MYOM3: variants seen among roughly 807,000 people sequenced by gnomAD.
The protein encoded by MYOM3 is myomesin-3.
In MYOM3, 155 loss-of-function variants were observed where a neutral mutation model predicts 191.7. That is an observed-to-expected ratio of 0.81 (90% CI 0.71 to 0.92). MYOM3 has a LOEUF of 0.92. MYOM3 is among the 40% of genes least tolerant of loss of function. The probability of loss-of-function intolerance (pLI) is 0.00; values close to 1 mark genes in which losing one functional copy is unlikely to be tolerated. For synonymous variants in MYOM3, 757 were observed against 762.9 expected, an observed-to-expected ratio of 0.99 and a Z score of 0.13; for missense variants, 1,889 against 1,890.6, an observed-to-expected ratio of 1.00 and a Z score of 0.02.
Position 24,065,962 on chromosome 1 carries a change from A to G in MYOM3, c.3463T>C (p.Phe1155Leu). The part of the protein sequence containing the change: ...TKKETRFQWF[F>L]QRAEMPDGQY... ...CCATCTGGCATCTCTGCCCTCTGGA[A>G]GAACCACTGAAAGCGAGTCTCCTTC... The change falls in exon 29 of 37, where the codon TTC (phenylalanine) becomes CTC (leucine). Residue 1155 changes from phenylalanine (F) to leucine (L), a missense_variant. By Grantham distance (22) the Phe-to-Leu change is conservative. Coordinates refer to ENST00000374434, the MANE Select transcript of MYOM3 (RefSeq NM_152372.4). 6.2e-7 allele frequency: 1 copy of G among 1,614,180 alleles called. No homozygotes were observed. The highest frequency in any genetic ancestry group is 8.5e-7 in the Non-Finnish European group (1 of 1,180,002).
At chr1:24,075,198 C>A in intron 22 of MYOM3, 121 bp downstream of exon 22, 1 of 944,138 alleles carries the variant, frequency 1.1e-6, no homozygotes, top group Non-Finnish European at 1.6e-6. Flanking sequence ...AAAGACTGAG[C>A]AGCGCCTTTC....
intron 11 of MYOM3, among the ~76,000 whole-genome samples, chr1:24,091,362 T>C (rs1557612763): frequency 6.6e-6 from 1 of 152,152 alleles, no homozygotes; most frequent in Non-Finnish European, 1.5e-5. Context: ...CTGCCCAAGG[T>C]CACACAGTTA....
chr1:24,090,963 G>A lies in MYOM3; in HGVS notation c.1266C>T (p.Cys422=). The part of the protein sequence containing the change: ...CQGESGEWIA[C]HEAPGGTCRC... Reference sequence around the variant, plus strand: ...GACAAGTCCCTCCGGGGGCCTCATGGCAGGCGATCCATTCCCCAGACTCGC... The same window carrying A: ...GACAAGTCCCTCCGGGGGCCTCATGACAGGCGATCCATTCCCCAGACTCGC... The change falls in exon 12 of 37, where the codon TGC becomes TGT. Residue 422 remains cysteine, a synonymous_variant. Transcript: ENST00000374434. 1 of 1,614,072 alleles carries A rather than the reference G, an allele frequency of 6.2e-7. No homozygotes were observed. The highest frequency in any genetic ancestry group is 8.5e-7 in the Non-Finnish European group (1 of 1,180,002).
intron 16 of MYOM3, chr1:24,083,158 T>C: frequency 6.5e-6 from 1 of 153,428 alleles, no homozygotes; most frequent in Non-Finnish European, 1.5e-5. Flanking sequence ...GCAAGGATGC[T>C]CTAGCTTAGA....
chr1:24,063,405 C>G lies in MYOM3; in HGVS notation c.3661+87G>C. On this transcript the variant is annotated intron_variant, in intron 31 of 36. Coordinates refer to ENST00000374434, the MANE Select transcript of MYOM3 (RefSeq NM_152372.4). The surrounding 1 kb of genome is among the most constrained non-coding windows in gnomAD (Gnocchi z 4.5). ...TTTGAGGTTAGAAACTAAACCCACC[C>G]CCAATAGCCAAGGCCAGTGTTAGGC... is the stretch of plus-strand genomic sequence containing the variant. 1 of 1,548,388 alleles carries G rather than the reference C, an allele frequency of 6.5e-7. No individual in the cohort carries two copies. Among genetic ancestry groups the G allele is most frequent in the Non-Finnish European group, 8.9e-7 (1 of 1,121,160 alleles).
chr1:24,094,241 GGCTCACT>G (rs927234142), intron 9 of MYOM3, among the ~76,000 whole-genome samples: 3 of 147,870 alleles, frequency 2.0e-5, no homozygotes, highest in African/African-American at 7.6e-5. Context: ...GTGCCATCTC[GGCTCACT>G]GCGACCTCTG....
At chr1:24,084,263 C>T in intron 16 of MYOM3, 1 of 577,764 alleles carries the variant, frequency 1.7e-6, no homozygotes, top group Non-Finnish European at 3.1e-6. Flanking sequence ...CCCTCTCCTG[C>T]TCCCGCCATG....
Position 24,061,255 on chromosome 1 carries a change from A to T in MYOM3, c.3971+18T>A, listed in dbSNP as rs1305312501. ...AAGGGGCCTATAATTCACACTGAGA[A>T]ATGTAGAGGAAACTTACTTCAGTCT... is the stretch of plus-strand genomic sequence containing the variant. On this transcript the variant is annotated intron_variant, in intron 34 of 36. Coordinates refer to ENST00000374434, the MANE Select transcript of MYOM3 (RefSeq NM_152372.4). 1.2e-6 allele frequency: 2 copies of T among 1,613,978 alleles called. No homozygotes were observed. Among genetic ancestry groups the T allele is most frequent in the Non-Finnish European group, 1.7e-6 (2 of 1,179,894 alleles).
chr1:24,110,663 G>A (rs1051981172), intron 1 of MYOM3, among the ~76,000 whole-genome samples: 1 of 152,130 alleles, frequency 6.6e-6, no homozygotes, highest in African/African-American at 2.4e-5. Flanking sequence ...TGGGACCAAG[G>A]GCTGCCCCCT....
In MYOM3 at chr1:24,067,332, CT is replaced by C. The variant is rs1557602345; in HGVS notation, c.3356-245del. Among the ~76,000 whole-genome samples the C allele has an allele frequency of 4.8e-4, 33 of 68,586 alleles. 1 individual carries two copies. The highest frequency in any genetic ancestry group is 6.0e-4 in the Non-Finnish European group (20 of 33,176). The allele number at this position is 68,586 out of a possible 152,430, so 45.0% of individuals were successfully genotyped here. ...TCTTTCTTTCTTTCTTTCCTTCTTT[CT>C]TTCTTTCTTTCTTTCTTTCTTTCTT... is the stretch of plus-strand genomic sequence containing the variant. On this transcript the variant is annotated intron_variant, in intron 27 of 36. Transcript: ENST00000374434.
At chr1:24,097,386 T>C (rs536787938) in intron 7 of MYOM3, among the ~76,000 whole-genome samples, 1 of 152,298 alleles carries the variant, frequency 6.6e-6, no homozygotes, top group South Asian at 2.1e-4. Flanking sequence ...AGAGAGCAAC[T>C]TGGGGGCTAA....
At position 24,075,441 on chromosome 1, in the gene MYOM3, C is replaced by G. The variant is rs750265223; in HGVS notation, c.2736G>C (p.Glu912Asp). 1 of 1,599,680 alleles carries G rather than the reference C, an allele frequency of 6.3e-7. No individual in the cohort carries two copies. The highest frequency in any genetic ancestry group is 1.4e-5 in the African/African-American group (1 of 73,922). The change falls in exon 22 of 37, where the codon GAG becomes GAC. Residue 912 changes from glutamate (E) to aspartate (D), a missense_variant. Transcript: ENST00000374434. ...CTTCAAAAGCCAAATAGATAAAGCC[C>G]TCTTCATCCACACCAACCTCGATCT... The part of the protein sequence containing the change: ...AHEIEVGVDE[E>D]GFIYLAFEAP...
intron 5 of MYOM3, among the ~76,000 whole-genome samples, chr1:24,100,361 T>C (rs1643902939): frequency 6.6e-6 from 1 of 151,978 alleles, no homozygotes; most frequent in African/African-American, 2.4e-5. Flanking sequence ...TGCTCAAGGG[T>C]TTATTTCCCT....
Position 24,063,128 on chromosome 1 carries a change from G to C in MYOM3, c.3768C>G (p.His1256Gln). Residue 1256 changes from histidine to glutamine, a missense_variant and splice_region_variant, in exon 32 of 37, where the codon CAC becomes CAG. By Grantham distance (24) the His-to-Gln change is conservative (BLOSUM62 0). Coordinates refer to ENST00000374434, the MANE Select transcript of MYOM3 (RefSeq NM_152372.4). This position sits in a 1 kb window ranked among gnomAD's most constrained non-coding sequence, Gnocchi z 4.5. ...GTTCTGGGGCAAGGCGGACTTACTTGTGGAACCAGGTGGTTTTCATGTACT... is the reference window on the plus strand; with the variant it reads ...GTTCTGGGGCAAGGCGGACTTACTTCTGGAACCAGGTGGTTTTCATGTACT... Reference protein sequence around the residue: ...NVEYMKTTWFHKDKRLESGDR... With the variant: ...NVEYMKTTWFQKDKRLESGDR... 1 of 1,604,586 alleles carries C rather than the reference G, an allele frequency of 6.2e-7. No homozygotes were observed.
intron 19 of MYOM3, among the ~76,000 whole-genome samples, chr1:24,081,013 T>C (rs1009231040): frequency 1.3e-4 from 20 of 152,326 alleles, no homozygotes; most frequent in African/African-American, 4.8e-4. Context: ...GACTAGTTAC[T>C]CACCCTAGCA....
chr1:24,078,365 C>T (rs1643626857), intron 20 of MYOM3, among the ~76,000 whole-genome samples: 2 of 152,168 alleles, frequency 1.3e-5, no homozygotes, highest in African/African-American at 4.8e-5. Flanking sequence ...GATCCGCCTG[C>T]CTCGGCCTCC....
At chr1:24,061,120 C>T (rs370034403) in intron 34 of MYOM3, 38 bp from the exon 35 acceptor site, 1 of 1,614,038 alleles carries the variant, frequency 6.2e-7, no homozygotes, top group African/African-American at 1.3e-5. Context: ...TGACATTCCA[C>T]TTGCTAAAGG....
At chr1:24,068,448 G>T (rs1411292311) in intron 25 of MYOM3, 81 bp from the exon 26 acceptor site, 3 of 1,545,926 alleles carry the variant, frequency 1.9e-6, no homozygotes, top group South Asian at 1.2e-5. Flanking sequence ...TAGTGGGCTT[G>T]GGGGTGGTAA....
At chr1:24,077,289 G>A (rs187363200) in intron 20 of MYOM3, among the ~76,000 whole-genome samples, 122 of 152,296 alleles carry the variant, frequency 8.0e-4, no homozygotes, top group African/African-American at 1.9e-3. Context: ...ATCTGATGAT[G>A]TGTACATCTT....
Sources: allele counts gnomAD v4.1 joint callset (sites outside exome capture counted in the v4.1 genomes callset), GRCh38; gene constraint gnomAD v4.1.1; non-coding constraint Gnocchi (gnomAD v3.1); transcripts MANE v1.5; gene names NCBI Gene and HGNC (gene_info 2026-07-23, HGNC 2026-07-21).